Variants in SLC9A9 observed in about 807,000 individuals in gnomAD.
The protein encoded by SLC9A9 is solute carrier family 9 member A9, also known as sodium/hydrogen exchanger 9.
Under a neutral mutation model 77.8 loss-of-function variants are expected in SLC9A9, and 62 were observed. The observed-to-expected ratio is 0.80, with a 90% CI of 0.65 to 0.98. The LOEUF (loss-of-function observed/expected upper bound fraction) is 0.98, where lower values mean the gene tolerates loss of function less well. SLC9A9 is among the 50% of genes least tolerant of loss of function. The pLI is 0.00. For synonymous variants in SLC9A9, 320 were observed against 283.5 expected (o/e 1.13, Z -1.29); for missense variants, 775 against 774.9 (o/e 1.00, Z 0.00).
intron 6 of SLC9A9, among the ~76,000 whole-genome samples, chr3:143,644,209 A>T (rs987752141): frequency 6.6e-6 from 1 of 152,232 alleles, no homozygotes; most frequent in African/African-American, 2.4e-5. Context: ...GCTAATTTGA[A>T]TTGGGTTTCT....
chr3:143,445,613 C>T (rs1457610710), intron 12 of SLC9A9, among the ~76,000 whole-genome samples: 3 of 152,108 alleles, frequency 2.0e-5, no homozygotes, highest in African/African-American at 7.2e-5. Flanking sequence ...CAGATGAACC[C>T]AGCAGAGTCA....
chr3:143,326,823 C>T (rs993204670), intron 14 of SLC9A9, among the ~76,000 whole-genome samples: 4 of 152,214 alleles, frequency 2.6e-5, no homozygotes, highest in African/African-American at 9.6e-5. Flanking sequence ...GCATCTAGTA[C>T]AGTGCCTGGC....
At chr3:143,507,785 G>A (rs1236646590) in intron 9 of SLC9A9, among the ~76,000 whole-genome samples, 3 of 152,152 alleles carry the variant, frequency 2.0e-5, no homozygotes, top group Admixed American at 6.5e-5. Context: ...CACAGTTCTG[G>A]AGGTTAGGTA....
At chr3:143,626,405 G>A (rs2038327091) in intron 6 of SLC9A9, among the ~76,000 whole-genome samples, 2 of 152,176 alleles carry the variant, frequency 1.3e-5, no homozygotes, top group Non-Finnish European at 1.5e-5. Context: ...AGAAAATGTG[G>A]CACATATACA....
intron 11 of SLC9A9, 129 bp downstream of exon 11, chr3:143,493,524 T>C (rs2108590712): frequency 1.3e-6 from 1 of 754,064 alleles, no homozygotes; most frequent in South Asian, 1.5e-5. Context: ...AGAATCAGCA[T>C]AGTGTTAGGT....
At chr3:143,847,459 T>C (rs959032932) in intron 1 of SLC9A9, 5 of 152,182 alleles carry the variant, frequency 3.3e-5, no homozygotes, top group African/African-American at 1.2e-4. Flanking sequence ...CTGCAGGTGT[T>C]AAATATTTTT....
intron 11 of SLC9A9, among the ~76,000 whole-genome samples, chr3:143,479,068 C>G (rs887192262): frequency 6.6e-6 from 1 of 152,160 alleles, no homozygotes; most frequent in Non-Finnish European, 1.5e-5. Context: ...TGGCATGTTC[C>G]TGTTGTCTGC....
intron 4 of SLC9A9, among the ~76,000 whole-genome samples, chr3:143,761,019 G>A (rs986590170): frequency 6.6e-6 from 1 of 151,850 alleles, no homozygotes; most frequent in Non-Finnish European, 1.5e-5. Flanking sequence ...ACAGAACAGA[G>A]CCCTCAGAAA....
At chr3:143,423,211 A>G (rs2034334563) in intron 12 of SLC9A9, among the ~76,000 whole-genome samples, 1 of 102,522 alleles carries the variant, frequency 9.8e-6, no homozygotes, top group African/African-American at 3.6e-5. Context: ...ACCCTCACAC[A>G]CACGTACACA....
intron 11 of SLC9A9, among the ~76,000 whole-genome samples, chr3:143,492,420 T>G (rs1433107347): frequency 6.6e-6 from 1 of 152,168 alleles, no homozygotes; most frequent in Non-Finnish European, 1.5e-5. Flanking sequence ...AGGGCAAATT[T>G]AATTTTGTAT....
chr3:143,591,732 C>A (rs1409681383), intron 6 of SLC9A9, among the ~76,000 whole-genome samples: 1 of 152,158 alleles, frequency 6.6e-6, no homozygotes, highest in Non-Finnish European at 1.5e-5. Flanking sequence ...TGGAGGAGCA[C>A]AATATATTGC....
chr3:143,732,519 G>A (rs117148759), intron 4 of SLC9A9, among the ~76,000 whole-genome samples: 1 of 152,304 alleles, frequency 6.6e-6, no homozygotes, highest in East Asian at 1.9e-4. Flanking sequence ...CTACAATGTT[G>A]CCTTCAGTTG....
At chr3:143,268,583 A>G (rs993320752) in intron 15 of SLC9A9, among the ~76,000 whole-genome samples, 1 of 151,990 alleles carries the variant, frequency 6.6e-6, no homozygotes, top group Admixed American at 6.6e-5. Flanking sequence ...AGTACAAAAA[A>G]TTAGCTGGGT....
chr3:143,542,793 C>T (rs997878457), intron 9 of SLC9A9, among the ~76,000 whole-genome samples: 1 of 152,102 alleles, frequency 6.6e-6, no homozygotes, highest in Non-Finnish European at 1.5e-5. Context: ...TTTATTAATT[C>T]AGAAAGAATT....
intron 9 of SLC9A9, among the ~76,000 whole-genome samples, chr3:143,505,421 T>C (rs1183945738): frequency 6.6e-6 from 1 of 152,230 alleles, no homozygotes; most frequent in East Asian, 1.9e-4. Context: ...AGATTATGTA[T>C]ATGCCTAGAG....
At position 143,377,079 on chromosome 3, in the gene SLC9A9, C is replaced by T. The variant is rs116646140; in HGVS notation, c.1524+4981G>A. Among the ~76,000 whole-genome samples the T allele has an allele frequency of 7.7e-3, 1,175 of 152,228 alleles. 16 individuals carry two copies. The highest frequency in any genetic ancestry group is 0.026 in the African/African-American group (1,100 of 41,536). On this transcript the variant is annotated intron_variant, in intron 13 of 15. Transcript: ENST00000316549. ...CTCTTATCTTTGTGTTTATTAGGAA[C>T]ATTTGAAAATATTCACAAAGAAAAA...
intron 12 of SLC9A9, among the ~76,000 whole-genome samples, chr3:143,398,138 T>C (rs113620808): frequency 2.0e-5 from 3 of 152,146 alleles, no homozygotes; most frequent in Non-Finnish European, 2.9e-5. Context: ...GCTTTGACTA[T>C]TCATAGGGAA....
intron 14 of SLC9A9, among the ~76,000 whole-genome samples, chr3:143,307,544 A>C (rs1007509505): frequency 1.3e-5 from 2 of 152,218 alleles, no homozygotes; most frequent in African/African-American, 2.4e-5. Flanking sequence ...TTGAGCCTGC[A>C]GGCTGGGTCT....
chr3:143,501,898 G>T (rs994242191), intron 9 of SLC9A9, among the ~76,000 whole-genome samples: 8 of 150,768 alleles, frequency 5.3e-5, no homozygotes, highest in African/African-American at 1.0e-4. Context: ...CCAGCTGACA[G>T]AACCAATTTG....
Sources: gnomAD v4.1 joint callset for allele counts (sites outside exome capture counted in the v4.1 genomes callset) on GRCh38, gnomAD v4.1.1 for gene constraint, MANE v1.5 for transcripts, NCBI Gene and HGNC (gene_info 2026-07-23, HGNC 2026-07-21) for gene names.